ESR1: variants seen among roughly 807,000 people sequenced by gnomAD.
ESR1 encodes estrogen receptor.
A neutral mutation model predicts 52.7 loss-of-function variants in ESR1; 12 were observed. The observed-to-expected ratio is 0.23, with a 90% CI of 0.15 to 0.37. The LOEUF (loss-of-function observed/expected upper bound fraction) is 0.37, where lower values mean the gene tolerates loss of function less well. Ranked by LOEUF, ESR1 falls within the 10% of genes least tolerant of loss-of-function variation. The probability of loss-of-function intolerance (pLI) is 1.00; values close to 1 mark genes in which losing one functional copy is unlikely to be tolerated. For synonymous variants in ESR1, 305 were observed against 316.8 expected, an observed-to-expected ratio of 0.96 and a Z score of 0.39; for missense variants, 584 against 779.7, an observed-to-expected ratio of 0.75 and a Z score of 2.99.
chr6:151,938,466 T>C (rs1012580574), intron 3 of ESR1, among the ~76,000 whole-genome samples: 1 of 152,202 alleles, frequency 6.6e-6, no homozygotes, highest in African/African-American at 2.4e-5. Context: ...TTAGGACAGA[T>C]CCTTTTATTT....
intron 3 of ESR1, among the ~76,000 whole-genome samples, chr6:151,919,913 T>G (rs1450366950): frequency 2.0e-5 from 3 of 152,206 alleles, no homozygotes; most frequent in Non-Finnish European, 4.4e-5. Flanking sequence ...TACATGTATA[T>G]GTATATGCAT....
chr6:151,874,680 T>C (rs1791519556), intron 2 of ESR1, among the ~76,000 whole-genome samples: 1 of 152,246 alleles, frequency 6.6e-6, no homozygotes, highest in South Asian at 2.1e-4. Context: ...TGACAGTTTA[T>C]GTAGTTTATA....
At chr6:152,091,286 C>A (rs538442224) in intron 6 of ESR1, among the ~76,000 whole-genome samples, 1 of 152,344 alleles carries the variant, frequency 6.6e-6, no homozygotes, top group East Asian at 1.9e-4. Flanking sequence ...AAGATGGCTG[C>A]TGTTGTCAAC....
rs1447064887 is a variant in ESR1 at position 151,899,536 on chromosome 6, C to G, written c.760+18765C>G. ...TGGCCGGGCGGGGGGCTGACCCCCC[C>G]ACCTCCCTCCCGGACGGGGCGGCTG... On this transcript the variant is annotated intron_variant, in intron 3 of 7. Transcript: ENST00000206249. Among the ~76,000 whole-genome samples the G allele has an allele frequency of 4.0e-5, 6 of 149,120 alleles. No individual in the cohort carries two copies. The East Asian group carries it at 1.0e-3, about 25-fold the overall frequency.
chr6:151,991,361 T>G (rs2040995201), intron 4 of ESR1, among the ~76,000 whole-genome samples: 2 of 152,120 alleles, frequency 1.3e-5, no homozygotes, highest in African/African-American at 4.8e-5. Flanking sequence ...ACACTGGTAG[T>G]TGGAAATTCA....
intron 2 of ESR1, among the ~76,000 whole-genome samples, chr6:151,789,950 AGTT>A (rs980669541): frequency 1.1e-4 from 16 of 152,054 alleles, no homozygotes; most frequent in African/African-American, 3.4e-4. Flanking sequence ...CGTTGGCGTG[AGTT>A]GTTGTTGTGT....
chr6:152,088,335 C>T (rs1280809863), intron 6 of ESR1, among the ~76,000 whole-genome samples: 1 of 152,000 alleles, frequency 6.6e-6, no homozygotes, highest in East Asian at 1.9e-4. Context: ...GGACACCAGA[C>T]TGAGAAAACT....
rs538635768 is a variant in ESR1 at position 151,889,198 on chromosome 6, A to G, written c.760+8427A>G. Among the ~76,000 whole-genome samples the G allele has an allele frequency of 4.8e-4, 73 of 152,264 alleles. 2 individuals are homozygous for G. The South Asian group carries it at 0.014, about 30-fold the overall frequency. On this transcript the variant is annotated intron_variant, in intron 3 of 7. Transcript: ENST00000206249. ...GGCCTTGTAAAATGAGTTTGGAAGT[A>G]TTCCCTCCTCTTCAATTTTTGGGAA...
At chr6:152,028,667 C>T (rs1447609171) in intron 5 of ESR1, among the ~76,000 whole-genome samples, 2 of 152,280 alleles carry the variant, frequency 1.3e-5, no homozygotes, top group Admixed American at 1.3e-4. Context: ...TGGGTGGAGC[C>T]CACCGCAGCT....
At chr6:152,003,856 A>C (rs1478414372) in intron 4 of ESR1, among the ~76,000 whole-genome samples, 1 of 152,040 alleles carries the variant, frequency 6.6e-6, no homozygotes, top group Non-Finnish European at 1.5e-5. Flanking sequence ...GATCAGAATT[A>C]AGATATATCC....
chr6:151,895,072 G>A (rs115821928), intron 3 of ESR1, among the ~76,000 whole-genome samples: 1,538 of 150,006 alleles, frequency 0.01, 15 homozygotes, highest in African/African-American at 0.036. Flanking sequence ...TCTTTGAGAG[G>A]TGTTTTGTAG....
At chr6:151,865,961 T>G (rs1231363551) in intron 2 of ESR1, among the ~76,000 whole-genome samples, 11 of 152,236 alleles carry the variant, frequency 7.2e-5, no homozygotes, top group Admixed American at 6.5e-4. Context: ...CTATCTGAGA[T>G]AACTCTCCTG....
intron 1 of ESR1, among the ~76,000 whole-genome samples, chr6:151,814,577 C>T (rs189565305): frequency 1.9e-4 from 29 of 152,112 alleles, no homozygotes; most frequent in Non-Finnish European, 4.4e-5. Flanking sequence ...AAGAATATAC[C>T]GTAATAACTC....
intron 7 of ESR1, chr6:152,096,657 G>T (rs1409679136): frequency 2.2e-6 from 1 of 455,970 alleles, no homozygotes. Context: ...TCTGTTCTCA[G>T]GGTTCCCCAA....
chr6:152,015,605 T>A (rs1427731960), intron 5 of ESR1, among the ~76,000 whole-genome samples: 1 of 152,216 alleles, frequency 6.6e-6, no homozygotes, highest in East Asian at 1.9e-4. Context: ...GTCACCCAGG[T>A]GGCTTGTGGC....
intron 3 of ESR1, among the ~76,000 whole-genome samples, chr6:151,923,954 G>A (rs934400924): frequency 3.3e-5 from 5 of 152,168 alleles, no homozygotes; most frequent in Non-Finnish European, 5.9e-5. Flanking sequence ...CTTGATGCTC[G>A]ACATCCTTGT....
intron 4 of ESR1, among the ~76,000 whole-genome samples, chr6:151,973,500 A>G (rs2039121796): frequency 6.6e-6 from 1 of 152,168 alleles, no homozygotes; most frequent in Admixed American, 6.5e-5. Context: ...TCCGCCATGT[A>G]ATTCCTCAGG....
chr6:151,793,157 C>T (rs965238314), intron 2 of ESR1, among the ~76,000 whole-genome samples: 8 of 148,492 alleles, frequency 5.4e-5, no homozygotes, highest in East Asian at 3.9e-4. Context: ...GGCGACAGAA[C>T]GAGACTCTAT....
Position 152,098,491 on chromosome 6 carries a change from G to A in ESR1, c.1554-241G>A, listed in dbSNP as rs970494783. Among the ~76,000 whole-genome samples the A allele has an allele frequency of 2.0e-5, 3 of 152,012 alleles. No homozygotes were observed. The highest frequency in any genetic ancestry group is 4.8e-5 in the African/African-American group (2 of 41,398). On this transcript the variant is annotated intron_variant, in intron 7 of 7. Coordinates refer to ENST00000206249, the MANE Select transcript of ESR1 (RefSeq NM_000125.4). This position sits in a 1 kb window ranked among gnomAD's most constrained non-coding sequence, Gnocchi z 5.1. ...GAAAGTGGCTGCAGGGAGAGTGTGAGGGTGGGACCGCCCTGGTAGGAGGTG... is the reference window on the plus strand; with the variant it reads ...GAAAGTGGCTGCAGGGAGAGTGTGAAGGTGGGACCGCCCTGGTAGGAGGTG...
Sources: gnomAD v4.1 joint callset for allele counts (sites outside exome capture counted in the v4.1 genomes callset) on GRCh38, gnomAD v4.1.1 for gene constraint, Gnocchi (gnomAD v3.1) non-coding constraint, MANE v1.5 for transcripts, NCBI Gene and HGNC (gene_info 2026-07-23, HGNC 2026-07-21) for gene names.